APOL5: variants seen among roughly 807,000 people sequenced by gnomAD.
APOL5 encodes apolipoprotein L, 5.
In APOL5, 29 loss-of-function variants were observed where a neutral mutation model predicts 35.5. The observed-to-expected ratio is 0.82, with a 90% confidence interval of 0.61 to 1.11. APOL5 has a LOEUF of 1.11. Ranked by LOEUF, APOL5 falls within the 50% of genes most tolerant of loss-of-function variation. The pLI, the probability that APOL5 is intolerant of heterozygous loss-of-function variation, is 0.00. For synonymous variants in APOL5, 188 were observed against 200.2 expected, an observed-to-expected ratio of 0.94 and a Z score of 0.51; for missense variants, 514 against 530.4, an observed-to-expected ratio of 0.97 and a Z score of 0.30.
chr22:35,725,822 G>C (rs377546291), intron 2 of APOL5, among the ~76,000 whole-genome samples: 1 of 152,148 alleles, frequency 6.6e-6, no homozygotes, highest in East Asian at 1.9e-4. Context: ...GAGCAATTGG[G>C]GAGGTTTAGA....
the APOL5 span, among the ~76,000 whole-genome samples, chr22:35,709,933 C>G: frequency 2.1e-4 from 32 of 152,154 alleles, no homozygotes; most frequent in African/African-American, 7.5e-4. Flanking sequence ...TGAGCCCTCA[C>G]ATCTCTGTTT....
chr22:35,717,496 T>C (rs1388018428), upstream of APOL5, among the ~76,000 whole-genome samples: 1 of 150,806 alleles, frequency 6.6e-6, no homozygotes, highest in Non-Finnish European at 1.5e-5. Context: ...TCCCAGCATT[T>C]TGAGAGGCCA....
At position 35,729,483 on chromosome 22, in the gene APOL5, A is replaced by T. The variant is rs1399002354; in HGVS notation, c.*136A>T. ...CAGCAGCAATGATAATAGAAGGCAAACTTGCAATGGTCTGTGGTAACCCCT... is the reference window on the plus strand; with the variant it reads ...CAGCAGCAATGATAATAGAAGGCAATCTTGCAATGGTCTGTGGTAACCCCT... On this transcript the variant is annotated 3_prime_UTR_variant, in exon 5 of 5. Coordinates refer to ENST00000249044, the MANE Select transcript of APOL5 (RefSeq NM_030642.1). The T allele has an allele frequency of 6.6e-6, 1 of 152,164 alleles. No homozygotes were observed. Among genetic ancestry groups the T allele is most frequent in the East Asian group, 1.9e-4 (1 of 5,194 alleles). The allele number at this position is 152,164 out of a possible 1,614,324, so 9.4% of individuals were successfully genotyped here. A position where few individuals can be genotyped will look rare whatever the true frequency, so the allele number is the denominator to read the frequency against.
At chr22:35,717,051 G>A (rs908848637), upstream of APOL5, among the ~76,000 whole-genome samples, 2 of 151,120 alleles carry the variant, frequency 1.3e-5, no homozygotes, top group Admixed American at 6.6e-5. Flanking sequence ...TCTAGAGGTG[G>A]GATGCTGAGT....
In APOL5 at chr22:35,727,029, G is replaced by A; in HGVS notation, c.961G>A (p.Ala321Thr). The change falls in exon 3 of 5, where the codon GCA (alanine) becomes ACA (threonine). Residue 321 changes from alanine (A) to threonine (T), a missense_variant. Transcript: ENST00000249044. ...GAGCTGGAAGCACCTGGAGGATGGG[G>A]CAAGGACGGAGACAGCAGAGGAACT... ...LQSWKHLEDG[A>T]RTETAEELRA... The A allele has an allele frequency of 6.2e-7, 1 of 1,614,074 alleles. No homozygotes were observed. Among genetic ancestry groups the A allele is most frequent in the South Asian group, 1.1e-5 (1 of 91,086 alleles).
the APOL5 span, among the ~76,000 whole-genome samples, chr22:35,709,743 AC>A: frequency 6.6e-6 from 1 of 151,886 alleles, no homozygotes; most frequent in Admixed American, 6.6e-5. Context: ...TTTTTTCAGC[AC>A]TTTATTTTCA....
the APOL5 span, among the ~76,000 whole-genome samples, chr22:35,710,156 T>G: frequency 5.1e-5 from 7 of 138,234 alleles, no homozygotes; most frequent in African/African-American, 1.9e-4. Flanking sequence ...AGAGTCTTGC[T>G]CTGTTGCCCT....
chr22:35,717,216 T>C (rs1295668245), upstream of APOL5, among the ~76,000 whole-genome samples: 3 of 61,826 alleles, frequency 4.9e-5, no homozygotes, highest in East Asian at 2.3e-3. Flanking sequence ...TGAATCTCCA[T>C]CTCTACAAAA....
chr22:35,726,362 G>T lies in APOL5; in HGVS notation c.294G>T (p.Glu98Asp). ...TGCCAGATGGAAATCTGTCAGAGGA[G>T]GAAAAATTGTTTCTCTCATATTTTC... is the stretch of plus-strand genomic sequence containing the variant. ...DSMPDGNLSEEEKLFLSYFPL... is the reference protein window; with the variant it reads ...DSMPDGNLSEDEKLFLSYFPL... The change falls in exon 3 of 5, where the codon GAG becomes GAT. Residue 98 changes from glutamate (E) to aspartate (D), a missense_variant. Around this residue, in one of 3 missense-constraint regions of APOL5, gnomAD observed 254 missense variants for 254.7 expected, o/e 1.00. Coordinates refer to ENST00000249044, the MANE Select transcript of APOL5 (RefSeq NM_030642.1). The T allele has an allele frequency of 1.4e-5, 22 of 1,614,110 alleles. No individual in the cohort carries two copies. The highest frequency in any genetic ancestry group is 1.9e-5 in the Non-Finnish European group (22 of 1,180,028).
At chr22:35,719,755 C>A (rs946917843) in intron 1 of APOL5, among the ~76,000 whole-genome samples, 1 of 152,192 alleles carries the variant, frequency 6.6e-6, no homozygotes, top group East Asian at 1.9e-4. Context: ...TTGCAGCTCC[C>A]GAGCCCCAGT....
At chr22:35,715,582 G>T (rs1018538417), upstream of APOL5, among the ~76,000 whole-genome samples, 23 of 152,144 alleles carry the variant, frequency 1.5e-4, no homozygotes, top group Admixed American at 1.2e-3. Context: ...GGAGGCAGAG[G>T]TTGCAAAGCC....
At chr22:35,722,061 T>G (rs925709733) in intron 2 of APOL5, among the ~76,000 whole-genome samples, 6 of 152,052 alleles carry the variant, frequency 3.9e-5, no homozygotes, top group Non-Finnish European at 5.9e-5. Context: ...TGTCAAGATT[T>G]CCCCCCAGTG....
chr22:35,717,526 G>A (rs1388896722), upstream of APOL5, among the ~76,000 whole-genome samples: 2 of 151,242 alleles, frequency 1.3e-5, no homozygotes, highest in East Asian at 3.9e-4. Flanking sequence ...GATCACCTGA[G>A]GTCAGGAGTT....
At chr22:35,719,857 T>C (rs1451479712) in intron 1 of APOL5, among the ~76,000 whole-genome samples, 1 of 152,198 alleles carries the variant, frequency 6.6e-6, no homozygotes, top group Non-Finnish European at 1.5e-5. Context: ...ACACGTGGGC[T>C]TGGAGAGTGA....
At chr22:35,717,762 A>AAAAAAAAAG, upstream of APOL5, 1 of 440,308 alleles carries the variant, frequency 2.3e-6, no homozygotes, top group Non-Finnish European at 3.3e-6. Flanking sequence ...AAGAAAGAAA[A>AAAAAAAAAG]GAAAAGAAAA....
At position 35,729,344 on chromosome 22, in the gene APOL5, T is replaced by A. The variant is rs530837224; in HGVS notation, c.*7-10T>A. 2 of 153,340 alleles carry A rather than the reference T, an allele frequency of 1.3e-5. No homozygotes were observed. The highest frequency in any genetic ancestry group is 2.1e-4 in the South Asian group (1 of 4,862). The allele number at this position is 153,340 out of a possible 1,614,324, so 9.5% of individuals were successfully genotyped here. On this transcript the variant is annotated splice_polypyrimidine_tract_variant and intron_variant, in intron 4 of 4. Transcript: ENST00000249044. ...AACTATTTCCTTTCTTTTTTTTTTT[T>A]ATACCCTAGTTGGTCACCCTGTCAC...
At chr22:35,717,235 A>AAAAAAAAAATATATATAT, upstream of APOL5, among the ~76,000 whole-genome samples, 1 of 57,660 alleles carries the variant, frequency 1.7e-5, no homozygotes, top group African/African-American at 8.0e-5. Flanking sequence ...AAAAAAAAAA[A>AAAAAAAAAATATATATAT]ATATATATAT....
At chr22:35,711,017 AT>A in the APOL5 span, among the ~76,000 whole-genome samples, 6 of 152,302 alleles carry the variant, frequency 3.9e-5, no homozygotes, top group South Asian at 1.2e-3. Flanking sequence ...AAATAAAAAA[AT>A]ATTAGCCGGG....
At chr22:35,714,886 G>A (rs182334042), upstream of APOL5, among the ~76,000 whole-genome samples, 4 of 152,342 alleles carry the variant, frequency 2.6e-5, no homozygotes, top group African/African-American at 7.2e-5. Flanking sequence ...AAACCACTCA[G>A]AAGAGTCTAA....
Sources: gnomAD v4.1 joint callset for allele counts (sites outside exome capture counted in the v4.1 genomes callset) on GRCh38, gnomAD v4.1.1 for gene constraint, gnomAD v4.1.1 regional missense constraint, MANE v1.5 for transcripts, NCBI Gene and HGNC (gene_info 2026-07-23, HGNC 2026-07-21) for gene names.